AGAP1: variants seen among roughly 807,000 people sequenced by gnomAD.
The protein encoded by AGAP1 is ArfGAP with GTPase domain, ankyrin repeat and PH domain 1.
In AGAP1, 29 loss-of-function variants were observed where a neutral mutation model predicts 105.3. The ratio of observed to expected loss-of-function variants is 0.28; its 90% CI spans 0.21 to 0.38. The LOEUF is 0.38. Ranked by LOEUF, AGAP1 falls within the 10% of genes least tolerant of loss-of-function variation. The pLI is 1.00. For missense variants in AGAP1, 998 were observed against 1,165.1 expected (o/e 0.86, Z 2.09); for synonymous variants, 509 against 485.9 (o/e 1.05, Z -0.63).
At chr2:235,828,600 T>G (rs1006645391) in intron 9 of AGAP1, among the ~76,000 whole-genome samples, 20 of 152,152 alleles carry the variant, frequency 1.3e-4, no homozygotes, top group Admixed American at 4.6e-4. Context: ...CCTCTGGAAT[T>G]GGAAACGTAG....
chr2:235,651,215 A>G (rs1164989843), intron 1 of AGAP1, among the ~76,000 whole-genome samples: 3 of 140,744 alleles, frequency 2.1e-5, no homozygotes, highest in Non-Finnish European at 4.6e-5. Flanking sequence ...AAAAAAAAAA[A>G]AAGAGACACC....
chr2:236,036,004 G>C lies in AGAP1; in HGVS notation c.1646-557G>C, dbSNP rs1313849837. ...GCTACCAAGTCTGGGGCCTGTCTCA[G>C]CTGAGATCCTCCTAAGGCACGCGGG... On this transcript the variant is annotated intron_variant, in intron 13 of 17. Coordinates refer to ENST00000304032, the MANE Select transcript of AGAP1 (RefSeq NM_001037131.3). This position sits in a 1 kb window ranked among gnomAD's most constrained non-coding sequence, Gnocchi z 5.7. Among the ~76,000 whole-genome samples, 1 of 152,066 alleles carries C rather than the reference G, an allele frequency of 6.6e-6. No homozygotes were observed. Among genetic ancestry groups the C allele is most frequent in the African/African-American group, 2.4e-5 (1 of 41,390 alleles).
chr2:236,079,253 CTTA>C (rs1290531573), intron 16 of AGAP1, among the ~76,000 whole-genome samples: 2 of 145,392 alleles, frequency 1.4e-5, no homozygotes, highest in Non-Finnish European at 3.0e-5. Context: ...GGCACGGTGG[CTTA>C]CACCTGTAAT....
rs777865908 is a variant in AGAP1, at chr2:236,131,684, C to T, written c.*7562C>T. The T allele has an allele frequency of 7.3e-5, 11 of 151,340 alleles. No homozygotes were observed. Among genetic ancestry groups the T allele is most frequent in the Non-Finnish European group, 1.5e-4 (10 of 67,914 alleles). The allele number at this position is 151,340 out of a possible 1,614,324, so 9.4% of individuals were successfully genotyped here. The stretch of plus-strand genomic sequence containing the variant: ...TCCTGCCTTGGGATTTTTTTGTGTC[C>T]GCTGTACAGTATTCTAAGGGAAAAA... On this transcript the variant is annotated 3_prime_UTR_variant, in exon 18 of 18. Coordinates refer to ENST00000304032, the MANE Select transcript of AGAP1 (RefSeq NM_001037131.3). This position sits in a 1 kb window ranked among gnomAD's most constrained non-coding sequence, Gnocchi z 5.9.
Position 235,746,377 on chromosome 2 carries a change from C to CCTTTTTTTT in AGAP1, c.538+1538_538+1539insCTTTTTTTT, listed in dbSNP as rs1295250993. On this transcript the variant is annotated intron_variant, in intron 5 of 17. Transcript: ENST00000304032. ...GCTTCCTGGAGAGCACCTCCCCCAA[C>CCTTTTTTTT]TTTTTTTTTTTTTTTTTTTTTTTTT... 5.4e-5 allele frequency among the ~76,000 whole-genome samples: 3 copies of CCTTTTTTTT among 55,546 alleles called. 1 individual carries two copies. The highest frequency in any genetic ancestry group is 2.4e-4 in the African/African-American group (3 of 12,470). 36.4% of individuals were successfully genotyped at this position (55,546 alleles called of 152,430 possible). A position where few individuals can be genotyped will look rare whatever the true frequency, so the allele number is the denominator to read the frequency against.
rs79340469 is a variant in AGAP1 at position 235,725,507 on chromosome 2, GA to G, written c.310+7877del. Among the ~76,000 whole-genome samples, 7,020 of 126,520 alleles carry G rather than the reference GA, an allele frequency of 0.055. 171 individuals are homozygous for G. Among genetic ancestry groups the G allele is most frequent in the African/African-American group, 0.068 (2,333 of 34,234 alleles). The allele number at this position is 126,520 out of a possible 152,430, so 83.0% of individuals were successfully genotyped here. A position where few individuals can be genotyped will look rare whatever the true frequency, so the allele number is the denominator to read the frequency against. On this transcript the variant is annotated intron_variant, in intron 3 of 17. Coordinates refer to ENST00000304032, the MANE Select transcript of AGAP1 (RefSeq NM_001037131.3). This position sits in a 1 kb window ranked among gnomAD's most constrained non-coding sequence, Gnocchi z 5.7. The stretch of plus-strand genomic sequence containing the variant: ...TTGGGTGCTGTTTAATGTTCCAGTG[GA>G]AAAAAAAAAAAAACACCTGTAATAC...
rs533438524 is a variant in AGAP1 at position 236,062,016 on chromosome 2, C to T, written c.2114+12735C>T. Among the ~76,000 whole-genome samples the T allele has an allele frequency of 9.9e-5, 15 of 152,224 alleles. 2 individuals are homozygous for T. Among genetic ancestry groups the T allele is most frequent in the African/African-American group, 3.6e-4 (15 of 41,544 alleles). On this transcript the variant is annotated intron_variant, in intron 16 of 17. Coordinates refer to ENST00000304032, the MANE Select transcript of AGAP1 (RefSeq NM_001037131.3). The surrounding 1 kb of genome is among the most constrained non-coding windows in gnomAD (Gnocchi z 4.2). ...GGCCTGGGTGCGGGCCGAGGGCTGG[C>T]GTGGCTGCCCCTCCTCAGGCCTGGG...
At chr2:235,528,417 A>C (rs1456986096) in intron 1 of AGAP1, among the ~76,000 whole-genome samples, 1 of 132,614 alleles carries the variant, frequency 7.5e-6, no homozygotes, top group African/African-American at 2.8e-5. Context: ...CTTTATAAGG[A>C]TATTGATTAT....
intron 13 of AGAP1, among the ~76,000 whole-genome samples, chr2:236,023,289 C>G (rs1030280029): frequency 1.3e-5 from 2 of 152,114 alleles, no homozygotes; most frequent in Non-Finnish European, 2.9e-5. Context: ...TTTGTCATCC[C>G]GGGTCCAGCC....
At chr2:235,844,411 T>C (rs1202132147) in intron 9 of AGAP1, among the ~76,000 whole-genome samples, 1 of 152,178 alleles carries the variant, frequency 6.6e-6, no homozygotes, top group Non-Finnish European at 1.5e-5. Flanking sequence ...GTCCTGGTGT[T>C]GAAGGAAAGC....
chr2:235,515,099 T>C (rs1942324902), intron 1 of AGAP1, among the ~76,000 whole-genome samples: 1 of 152,234 alleles, frequency 6.6e-6, no homozygotes, highest in Admixed American at 6.5e-5. Context: ...CTTTGCCTTT[T>C]AGAACTGTCA....
chr2:235,712,519 T>C lies in AGAP1; in HGVS notation c.222+3282T>C, dbSNP rs563870221. 6.6e-6 allele frequency among the ~76,000 whole-genome samples: 1 copy of C among 152,380 alleles called. No individual in the cohort carries two copies. Among genetic ancestry groups the C allele is most frequent in the East Asian group, 1.9e-4 (1 of 5,188 alleles). ...TCCCCAGCTCCTCACATCCTATTTG[T>C]GTGTTTTCATTGAACTCCAACTGGA... On this transcript the variant is annotated intron_variant, in intron 2 of 17. Transcript: ENST00000304032. The surrounding 1 kb of genome is among the most constrained non-coding windows in gnomAD (Gnocchi z 6.0).
chr2:235,831,834 A>G (rs1311008182), intron 9 of AGAP1, among the ~76,000 whole-genome samples: 1 of 152,240 alleles, frequency 6.6e-6, no homozygotes, highest in Non-Finnish European at 1.5e-5. Context: ...ACCAAAGAAC[A>G]TGATTGCTAG....
chr2:236,058,932 A>G lies in AGAP1; in HGVS notation c.2114+9651A>G, dbSNP rs1176057107. On this transcript the variant is annotated intron_variant, in intron 16 of 17. Coordinates refer to ENST00000304032, the MANE Select transcript of AGAP1 (RefSeq NM_001037131.3). The surrounding 1 kb of genome is among the most constrained non-coding windows in gnomAD (Gnocchi z 4.6). ...GTAGTCCCAGCTACTCAAGAGGCTC[A>G]GGCAGGAGGATTGCTTGAGCCCAGG... 6.6e-6 allele frequency among the ~76,000 whole-genome samples: 1 copy of G among 152,222 alleles called. No homozygotes were observed. Among genetic ancestry groups the G allele is most frequent in the African/African-American group, 2.4e-5 (1 of 41,448 alleles).
intron 3 of AGAP1, among the ~76,000 whole-genome samples, chr2:235,738,848 G>C (rs1234877942): frequency 6.6e-6 from 1 of 151,976 alleles, no homozygotes; most frequent in East Asian, 1.9e-4. Flanking sequence ...GTGAGCCACC[G>C]CGCCCAGCCT....
intron 1 of AGAP1, among the ~76,000 whole-genome samples, chr2:235,652,987 G>A (rs112298542): frequency 1.6e-4 from 24 of 152,052 alleles, no homozygotes; most frequent in Non-Finnish European, 1.9e-4. Context: ...AAACAAGAAC[G>A]ATACCAGTAG....
At chr2:235,902,680 C>G (rs2051123814) in intron 10 of AGAP1, among the ~76,000 whole-genome samples, 1 of 152,158 alleles carries the variant, frequency 6.6e-6, no homozygotes, top group South Asian at 2.1e-4. Context: ...ATGTCTGGCA[C>G]AGTCATTCTT....
intron 16 of AGAP1, among the ~76,000 whole-genome samples, chr2:236,052,135 A>C (rs2057919224): frequency 6.6e-6 from 1 of 152,118 alleles, no homozygotes; most frequent in Admixed American, 6.5e-5. Flanking sequence ...TAATACCAAA[A>C]AGAAATATTT....
rs1422242966 is a variant in AGAP1 at position 235,555,560 on chromosome 2, C to T, written c.163+60711C>T. 6.6e-6 allele frequency among the ~76,000 whole-genome samples: 1 copy of T among 152,320 alleles called. No homozygotes were observed. The highest frequency in any genetic ancestry group is 1.9e-4 in the East Asian group (1 of 5,182). ...TGTTCCCTCTGCCACCGCCAGCTGT[C>T]CTGCAGCAGGAAGAGGTAGTCATGT... On this transcript the variant is annotated intron_variant, in intron 1 of 17. Coordinates refer to ENST00000304032, the MANE Select transcript of AGAP1 (RefSeq NM_001037131.3). The surrounding 1 kb of genome is among the most constrained non-coding windows in gnomAD (Gnocchi z 5.1).
Sources: allele counts gnomAD v4.1 joint callset (sites outside exome capture counted in the v4.1 genomes callset), GRCh38; gene constraint gnomAD v4.1.1; non-coding constraint Gnocchi (gnomAD v3.1); transcripts MANE v1.5; gene names NCBI Gene and HGNC (gene_info 2026-07-23, HGNC 2026-07-21).